Variants in KIAA0408 observed in about 807,000 individuals in gnomAD.
The protein encoded by KIAA0408 is uncharacterized protein KIAA0408.
KIAA0408 carries 51 observed loss-of-function variants against 60.9 expected under a neutral mutation model. The observed-to-expected ratio is 0.84, with a 90% CI of 0.67 to 1.06. The LOEUF (loss-of-function observed/expected upper bound fraction) is 1.06. Ranked by LOEUF, KIAA0408 falls within the 50% of genes least tolerant of loss-of-function variation. The pLI, the probability that KIAA0408 is intolerant of heterozygous loss-of-function variation, is 0.00. For missense variants in KIAA0408, 787 were observed against 833.9 expected (o/e 0.94, Z 0.69); for synonymous variants, 304 against 282.4 (o/e 1.08, Z -0.77).
Position 127,446,796 on chromosome 6 carries a change from A to C in KIAA0408, c.1523T>G (p.Val508Gly), listed in dbSNP as rs1352338360. The change falls in exon 5 of 6, where the codon GTG (valine) becomes GGG (glycine). Residue 508 changes from valine to glycine, a missense_variant. Transcript: ENST00000483725. ...NAHMPVPMEN[V>G]PDNPTKKSTT... ...GGATTTCTTGGTGGGATTATCAGGC[A>C]CATTTTCCATGGGCACAGGCATGTG... is the stretch of plus-strand genomic sequence containing the variant. 2 of 1,614,012 alleles carry C rather than the reference A, an allele frequency of 1.2e-6. No homozygotes were observed. The highest frequency in any genetic ancestry group is 2.2e-5 in the South Asian group (2 of 91,070).
At chr6:127,454,229 A>C in intron 1 of KIAA0408, 128 bp from the exon 2 acceptor site, 1 of 899,860 alleles carries the variant, frequency 1.1e-6, no homozygotes, top group Non-Finnish European at 1.4e-6. Context: ...AGAGATGACA[A>C]CAGTCTACTT....
At chr6:127,457,108 T>G (rs1773409538) in intron 1 of KIAA0408, among the ~76,000 whole-genome samples, 1 of 152,186 alleles carries the variant, frequency 6.6e-6, no homozygotes, top group African/African-American at 2.4e-5. Context: ...TTTGCCTTTT[T>G]TCAAATATTT....
Position 127,446,677 on chromosome 6 carries a change from A to T in KIAA0408, c.1642T>A (p.Ser548Thr). 1 of 1,614,002 alleles carries T rather than the reference A, an allele frequency of 6.2e-7. No homozygotes were observed. The highest frequency in any genetic ancestry group is 8.5e-7 in the Non-Finnish European group (1 of 1,180,018). Residue 548 changes from serine (S) to threonine (T), a missense_variant, in exon 5 of 6, where the codon TCT becomes ACT. Ser to Thr is a moderately conservative substitution (Grantham distance 58, BLOSUM62 1). Coordinates refer to ENST00000483725, the MANE Select transcript of KIAA0408 (RefSeq NM_014702.5). ...GGATCAGCTGACCTCGGACGGCCAGACAAATTACTCGGTCTCCAGTCATGC... is the reference window on the plus strand; with the variant it reads ...GGATCAGCTGACCTCGGACGGCCAGTCAAATTACTCGGTCTCCAGTCATGC... ...HEHDWRPSNL[S>T]GRPRSADPRS...
intron 4 of KIAA0408, 147 bp from the exon 5 acceptor site, chr6:127,447,887 CA>C: frequency 9.4e-7 from 1 of 1,068,744 alleles, no homozygotes; most frequent in South Asian, 2.4e-5. Context: ...ATCTCCCAGT[CA>C]AAAACTTCAA....
At position 127,442,039 on chromosome 6, in the gene KIAA0408, T is replaced by C. The variant is rs186715498; in HGVS notation, c.*2070A>G. 2 of 152,326 alleles carry C rather than the reference T, an allele frequency of 1.3e-5. No homozygotes were observed. Among genetic ancestry groups the C allele is most frequent in the Admixed American group, 1.3e-4 (2 of 15,302 alleles). The allele number at this position is 152,326 out of a possible 1,614,324, so 9.4% of individuals were successfully genotyped here. A position where few individuals can be genotyped will look rare whatever the true frequency, so the allele number is the denominator to read the frequency against. ...GTGACCACCCAAGGGCATCCATCCA[T>C]TCAGAGATCAAGCAATGTCACTGTT... On this transcript the variant is annotated 3_prime_UTR_variant, in exon 6 of 6. Coordinates refer to ENST00000483725, the MANE Select transcript of KIAA0408 (RefSeq NM_014702.5).
rs1773195849 is a variant in KIAA0408, at chr6:127,446,463, G to C, written c.1856C>G (p.Ala619Gly). 1.2e-6 allele frequency: 2 copies of C among 1,613,718 alleles called. No individual in the cohort carries two copies. Among genetic ancestry groups the C allele is most frequent in the Admixed American group, 3.3e-5 (2 of 59,976 alleles). The change falls in exon 5 of 6, where the codon GCT becomes GGT. Residue 619 changes from alanine to glycine, a missense_variant. Physicochemically the swap from Ala to Gly is moderately conservative, Grantham distance 60. Transcript: ENST00000483725. Reference sequence around the variant, plus strand: ...CTTCACTTCCTGTCCCCCCCACACAGCTGTCTTTTGCTGAAACTGTTGTTC... The same window carrying C: ...CTTCACTTCCTGTCCCCCCCACACACCTGTCTTTTGCTGAAACTGTTGTTC... ...QMEQQFQQKT[A>G]VWGGQEVKQG...
chr6:127,446,275 A>G, intron 5 of KIAA0408, 133 bp downstream of exon 5: 1 of 1,439,128 alleles, frequency 6.9e-7, no homozygotes, highest in Non-Finnish European at 9.3e-7. Context: ...TTTATTTACA[A>G]ACAGGGTCAA....
chr6:127,446,288 G>GTTA, intron 5 of KIAA0408, 120 bp downstream of exon 5: 1 of 1,481,018 alleles, frequency 6.8e-7, no homozygotes, highest in Admixed American at 2.3e-5. Context: ...AGGGTCAAGA[G>GTTA]GCTAAGAAGA....
rs1773102363 is a variant in KIAA0408 at position 127,441,171 on chromosome 6, T to G, written c.*2938A>C. ...GATCTTTGTAGGGAAGCAGAAACTC[T>G]TAAGTCCAGATGTTTTCTCAGGATA... On this transcript the variant is annotated 3_prime_UTR_variant, in exon 6 of 6. Transcript: ENST00000483725. 6.6e-6 allele frequency: 1 copy of G among 152,354 alleles called. No individual in the cohort carries two copies. The highest frequency in any genetic ancestry group is 6.5e-5 in the Admixed American group (1 of 15,268). The allele number at this position is 152,354 out of a possible 1,614,324, so 9.4% of individuals were successfully genotyped here. A position where few individuals can be genotyped will look rare whatever the true frequency, so the allele number is the denominator to read the frequency against.
At chr6:127,444,827 T>C (rs1394220061) in intron 5 of KIAA0408, among the ~76,000 whole-genome samples, 1 of 152,044 alleles carries the variant, frequency 6.6e-6, no homozygotes, top group East Asian at 1.9e-4. Context: ...TTTAAATACA[T>C]CTTCATTCTA....
At chr6:127,449,685 C>T (rs1773265217) in intron 4 of KIAA0408, 137 bp downstream of exon 4, 2 of 1,180,664 alleles carry the variant, frequency 1.7e-6, no homozygotes, top group East Asian at 5.1e-5. Flanking sequence ...ATTAAAGTTT[C>T]TATCTCCCAC....
rs150510228 is a variant in KIAA0408, at chr6:127,445,330, A to G, written c.1912-1048T>C. Among the ~76,000 whole-genome samples, 301 of 152,302 alleles carry G rather than the reference A, an allele frequency of 2.0e-3. 1 individual carries two copies. The highest frequency in any genetic ancestry group is 6.8e-3 in the African/African-American group (283 of 41,556). ...CAAGAATTTTGTTTGGTTATTGTAC[A>G]GATATATCTATTTCCCATCTTTAGC... is the stretch of plus-strand genomic sequence containing the variant. On this transcript the variant is annotated intron_variant, in intron 5 of 5. Coordinates refer to ENST00000483725, the MANE Select transcript of KIAA0408 (RefSeq NM_014702.5).
At position 127,449,827 on chromosome 6, in the gene KIAA0408, A is replaced by G; in HGVS notation, c.573T>C (p.His191=). 1 of 1,613,986 alleles carries G rather than the reference A, an allele frequency of 6.2e-7. No homozygotes were observed. The highest frequency in any genetic ancestry group is 8.5e-7 in the Non-Finnish European group (1 of 1,179,936). The change falls in exon 4 of 6, where the codon CAT becomes CAC. Residue 191 remains histidine, a synonymous_variant. Coordinates refer to ENST00000483725, the MANE Select transcript of KIAA0408 (RefSeq NM_014702.5). ...FQEEIRKRSN[H]RRMKSDSFLQ... ...AATCAGATGTACCAGCCTACCTTCTATGGTTAGACCGCTTTCGAATTTCCT... is the reference window on the plus strand; with the variant it reads ...AATCAGATGTACCAGCCTACCTTCTGTGGTTAGACCGCTTTCGAATTTCCT...
intron 1 of KIAA0408, among the ~76,000 whole-genome samples, chr6:127,457,502 G>T (rs574732681): frequency 7.9e-5 from 12 of 152,288 alleles, no homozygotes; most frequent in Non-Finnish European, 1.3e-4. Flanking sequence ...TTCCATTTCA[G>T]AATAAAAATT....
At chr6:127,457,430 G>T (rs1422907501) in intron 1 of KIAA0408, among the ~76,000 whole-genome samples, 1 of 152,132 alleles carries the variant, frequency 6.6e-6, no homozygotes, top group Non-Finnish European at 1.5e-5. Flanking sequence ...AAGGATTTCT[G>T]CTATCTGCAT....
In KIAA0408 at chr6:127,447,617, G is replaced by A. The variant is rs6902288; in HGVS notation, c.702C>T (p.Asn234=). ...PISLEKEKQK[N]RKNLSCTNVL... ...CATTGGTACAGCTCAGATTCTTCCT[G>A]TTTTTCTGTTTTTCTTTTTCTAAAC... is the stretch of plus-strand genomic sequence containing the variant. The change falls in exon 5 of 6, where the codon AAC becomes AAT. Residue 234 remains asparagine, a synonymous_variant. Coordinates refer to ENST00000483725, the MANE Select transcript of KIAA0408 (RefSeq NM_014702.5). 0.56 allele frequency: 909,623 copies of A among 1,611,074 alleles called. 265,622 individuals are homozygous for A. Among genetic ancestry groups the A allele is most frequent in the Non-Finnish European group, 0.6 (706,421 of 1,179,092 alleles).
rs1159912082 is a variant in KIAA0408, at chr6:127,441,884, TAAG to T, written c.*2222_*2224del. ...GCTCTAACTATAATTTTAGTCAACATAAGAAGACGTTAAAATGTGTCCCACTGG... is the reference window on the plus strand; with the variant it reads ...GCTCTAACTATAATTTTAGTCAACATAAGACGTTAAAATGTGTCCCACTGG... On this transcript the variant is annotated 3_prime_UTR_variant, in exon 6 of 6. Coordinates refer to ENST00000483725, the MANE Select transcript of KIAA0408 (RefSeq NM_014702.5). 6.6e-6 allele frequency: 1 copy of T among 152,138 alleles called. No homozygotes were observed. Among genetic ancestry groups the T allele is most frequent in the Non-Finnish European group, 1.5e-5 (1 of 68,014 alleles). The allele number at this position is 152,138 out of a possible 1,614,324, so 9.4% of individuals were successfully genotyped here.
At position 127,447,168 on chromosome 6, in the gene KIAA0408, G is replaced by A. The variant is rs200904802; in HGVS notation, c.1151C>T (p.Thr384Ile). 4 of 1,613,064 alleles carry A rather than the reference G, an allele frequency of 2.5e-6. No individual in the cohort carries two copies. The highest frequency in any genetic ancestry group is 2.7e-5 in the African/African-American group (2 of 74,980). Residue 384 changes from threonine (T) to isoleucine (I), a missense_variant, in exon 5 of 6, where the codon ACC becomes ATC. Physicochemically the swap from Thr to Ile is moderately conservative, Grantham distance 89. Coordinates refer to ENST00000483725, the MANE Select transcript of KIAA0408 (RefSeq NM_014702.5). ...STSWFQKTCS[T>I]PSNPKYEMVI... The stretch of plus-strand genomic sequence containing the variant: ...CATTTCATATTTTGGATTACTGGGG[G>A]TAGAGCAGGTTTTCTGAAACCACGA...
At chr6:127,444,916 T>C (rs1773164092) in intron 5 of KIAA0408, among the ~76,000 whole-genome samples, 3 of 152,146 alleles carry the variant, frequency 2.0e-5, no homozygotes, top group African/African-American at 7.2e-5. Context: ...TTCTCTTTCT[T>C]TTATTTTCTT....
Sources: gnomAD v4.1 joint callset for allele counts (sites outside exome capture counted in the v4.1 genomes callset) on GRCh38, gnomAD v4.1.1 for gene constraint, MANE v1.5 for transcripts, NCBI Gene and HGNC (gene_info 2026-07-23, HGNC 2026-07-21) for gene names.